The following NELL1 variants were observed in gnomAD, a reference collection of about 807,000 sequenced individuals.
NELL1 encodes protein kinase C-binding protein NELL1.
A neutral mutation model predicts 107.4 loss-of-function variants in NELL1; 76 were observed. The observed-to-expected ratio is 0.71, with a 90% CI of 0.59 to 0.86. The LOEUF (loss-of-function observed/expected upper bound fraction) is 0.86. Ranked by LOEUF, NELL1 falls within the 40% of genes least tolerant of loss-of-function variation. The probability of loss-of-function intolerance (pLI) is 0.00; values close to 1 mark genes in which losing one functional copy is unlikely to be tolerated. For missense variants in NELL1, 1,024 were observed against 1,005.5 expected (o/e 1.02, Z -0.25); for synonymous variants, 353 against 341.2 (o/e 1.03, Z -0.38).
chr11:21,355,465 A>G (rs1290852403), intron 14 of NELL1, among the ~76,000 whole-genome samples: 3 of 152,176 alleles, frequency 2.0e-5, no homozygotes, highest in Admixed American at 2.0e-4. Flanking sequence ...TATTGACCTG[A>G]TTATACAGAT....
chr11:21,264,108 G>A (rs1848591615), intron 14 of NELL1, among the ~76,000 whole-genome samples: 2 of 141,372 alleles, frequency 1.4e-5, no homozygotes, highest in Non-Finnish European at 3.0e-5. Flanking sequence ...TTGTGTGTCT[G>A]TCTGTCTCAT....
At chr11:21,091,273 G>A (rs2133689016) in intron 12 of NELL1, among the ~76,000 whole-genome samples, 1 of 152,224 alleles carries the variant, frequency 6.6e-6, no homozygotes, top group East Asian at 1.9e-4. Context: ...CATTTTTTGA[G>A]CATTATAAAG....
intron 3 of NELL1, among the ~76,000 whole-genome samples, chr11:20,833,683 C>T (rs1858061269): frequency 6.6e-6 from 1 of 151,986 alleles, no homozygotes. Context: ...TTTAAAAAAA[C>T]CCTATGTGGT....
At chr11:21,225,081 T>C (rs1590749408) in intron 13 of NELL1, among the ~76,000 whole-genome samples, 1 of 152,106 alleles carries the variant, frequency 6.6e-6, no homozygotes, top group Non-Finnish European at 1.5e-5. Context: ...ATGGTATCAT[T>C]TCTGTGTCCA....
intron 15 of NELL1, among the ~76,000 whole-genome samples, chr11:21,520,463 G>T (rs1315320820): frequency 6.6e-6 from 1 of 152,068 alleles, no homozygotes; most frequent in East Asian, 1.9e-4. Flanking sequence ...AATGATGTTT[G>T]CCTAGAACAT....
At chr11:21,194,342 T>C (rs1857107984) in intron 13 of NELL1, among the ~76,000 whole-genome samples, 1 of 152,250 alleles carries the variant, frequency 6.6e-6, no homozygotes, top group East Asian at 1.9e-4. Context: ...GGTTGTTTTT[T>C]CCCAATTTTA....
rs554779095 is a variant in NELL1 at position 20,675,756 on chromosome 11, G to A, written c.56-2176G>A. On this transcript the variant is annotated intron_variant, in intron 1 of 19. Transcript: ENST00000357134. ...TGGCCCTTCTCTCTCTCCCACTTTG[G>A]CCTCTCTTCTTTTTTCTTTTCTTTT... is the stretch of plus-strand genomic sequence containing the variant. 3.3e-5 allele frequency among the ~76,000 whole-genome samples: 5 copies of A among 151,966 alleles called. No homozygotes were observed. In the South Asian group the frequency reaches 6.3e-4, roughly 19 times the overall value.
At position 21,436,566 on chromosome 11, in the gene NELL1, T is replaced by C. The variant is rs185696131; in HGVS notation, c.1645+65618T>C. ...TTAGCTTAACTAATGATTTGTCAAA[T>C]TTATCTTTTCAAAAACACAAATTTT... On this transcript the variant is annotated intron_variant, in intron 15 of 19. Transcript: ENST00000357134. Among the ~76,000 whole-genome samples the C allele has an allele frequency of 8.1e-4, 124 of 152,262 alleles. No individual in the cohort carries two copies. The East Asian group carries it at 0.016, about 19-fold the overall frequency.
chr11:20,680,090 G>T (rs116550437), intron 2 of NELL1, among the ~76,000 whole-genome samples: 6,384 of 152,080 alleles, frequency 0.042, 475 homozygotes, highest in African/African-American at 0.15. Flanking sequence ...AAGGCCTTTC[G>T]CTTATATCCC....
At chr11:21,246,125 A>T (rs1858484827) in intron 14 of NELL1, among the ~76,000 whole-genome samples, 1 of 152,160 alleles carries the variant, frequency 6.6e-6, no homozygotes, top group Non-Finnish European at 1.5e-5. Context: ...GCTAATATAT[A>T]TTGAGCGTCT....
intron 12 of NELL1, among the ~76,000 whole-genome samples, chr11:21,057,536 C>T (rs1423920195): frequency 6.6e-6 from 1 of 151,668 alleles, no homozygotes; most frequent in East Asian, 1.9e-4. Flanking sequence ...TAGAAAAAGT[C>T]TTGAAACAAT....
At position 20,797,565 on chromosome 11, in the gene NELL1, C is replaced by CAAAAAAAA. The variant is rs35016707; in HGVS notation, c.335+13750_335+13757dup. The stretch of plus-strand genomic sequence containing the variant: ...TGGGCGACAGAGCGAGACTCCATCT[C>CAAAAAAAA]AAAAAAAAAAAAAAAAAAAAAAGAC... On this transcript the variant is annotated intron_variant, in intron 3 of 19. Transcript: ENST00000357134. Among the ~76,000 whole-genome samples, 183 of 69,284 alleles carry CAAAAAAAA rather than the reference C, an allele frequency of 2.6e-3. 7 individuals carry two copies. Among genetic ancestry groups the CAAAAAAAA allele is most frequent in the African/African-American group, 0.011 (177 of 16,066 alleles). 45.5% of individuals were successfully genotyped at this position (69,284 alleles called of 152,430 possible). A position where few individuals can be genotyped will look rare whatever the true frequency, so the allele number is the denominator to read the frequency against.
chr11:21,299,924 G>A (rs1004971814), intron 14 of NELL1, among the ~76,000 whole-genome samples: 1 of 151,940 alleles, frequency 6.6e-6, no homozygotes, highest in Non-Finnish European at 1.5e-5. Flanking sequence ...AAGCCTGCAG[G>A]CCATAATTGG....
intron 13 of NELL1, among the ~76,000 whole-genome samples, chr11:21,206,018 G>T (rs16907672): frequency 0.063 from 9,539 of 152,104 alleles, 301 homozygotes; most frequent in East Asian, 0.14. Context: ...TGTCCTCTCG[G>T]TACTTTATGG....
chr11:21,508,206 T>C (rs2133941216), intron 15 of NELL1, among the ~76,000 whole-genome samples: 2 of 152,272 alleles, frequency 1.3e-5, no homozygotes, highest in Admixed American at 1.3e-4. Flanking sequence ...AAAGTACAGA[T>C]ACAACAAATG....
chr11:20,962,401 C>T (rs920512248), intron 12 of NELL1, among the ~76,000 whole-genome samples: 1 of 152,102 alleles, frequency 6.6e-6, no homozygotes, highest in Non-Finnish European at 1.5e-5. Context: ...GGATAGACGT[C>T]GAACAATTAT....
At chr11:20,832,997 G>A (rs567264087) in intron 3 of NELL1, among the ~76,000 whole-genome samples, 21 of 152,152 alleles carry the variant, frequency 1.4e-4, no homozygotes, top group Non-Finnish European at 2.8e-4. Context: ...CTCTGCTAAT[G>A]ATGTCAGCCT....
At chr11:21,363,186 A>G (rs1851124496) in intron 14 of NELL1, among the ~76,000 whole-genome samples, 1 of 152,150 alleles carries the variant, frequency 6.6e-6, no homozygotes, top group African/African-American at 2.4e-5. Flanking sequence ...CCCTTTCCCA[A>G]TTCCACTGGT....
chr11:21,271,975 G>C (rs894081719), intron 14 of NELL1, among the ~76,000 whole-genome samples: 1 of 152,186 alleles, frequency 6.6e-6, no homozygotes, highest in South Asian at 2.1e-4. Flanking sequence ...CCCAGCATGA[G>C]CGATGCAGAA....
Sources: allele counts gnomAD v4.1 joint callset (sites outside exome capture counted in the v4.1 genomes callset), GRCh38; gene constraint gnomAD v4.1.1; transcripts MANE v1.5; gene names NCBI Gene and HGNC (gene_info 2026-07-23, HGNC 2026-07-21).